PKIG: variants seen among roughly 807,000 people sequenced by gnomAD.
PKIG encodes cAMP-dependent protein kinase inhibitor gamma.
PKIG carries 1 observed loss-of-function variant against 6.8 expected under a neutral mutation model. The observed-to-expected ratio is 0.15, with a 90% CI of 0.05 to 0.69. PKIG has a LOEUF of 0.69. Ranked by LOEUF, PKIG falls within the 30% of genes least tolerant of loss-of-function variation. The pLI is 0.82. For missense variants in PKIG, 77 were observed against 104.0 expected (o/e 0.74, Z 1.13); for synonymous variants, 39 against 43.0 (o/e 0.91, Z 0.36).
At chr20:44,593,736 A>G (rs937796071) in intron 2 of PKIG, among the ~76,000 whole-genome samples, 1 of 152,222 alleles carries the variant, frequency 6.6e-6, no homozygotes, top group African/African-American at 2.4e-5. Flanking sequence ...GAAATTTGCT[A>G]AGAGAGTAGA....
At chr20:44,559,131 T>C (rs1426395212) in intron 1 of PKIG, among the ~76,000 whole-genome samples, 1 of 152,148 alleles carries the variant, frequency 6.6e-6, no homozygotes, top group Non-Finnish European at 1.5e-5. Context: ...ATAATTAAAG[T>C]TTTTAAAAGG....
chr20:44,537,251 C>T (rs561374979), intron 1 of PKIG, among the ~76,000 whole-genome samples: 7 of 152,202 alleles, frequency 4.6e-5, no homozygotes, highest in Middle Eastern at 3.4e-3. Context: ...ATTACAGGCA[C>T]GCGCCACCAC....
At chr20:44,608,950 A>G (rs1232311995) in intron 2 of PKIG, among the ~76,000 whole-genome samples, 1 of 152,360 alleles carries the variant, frequency 6.6e-6, no homozygotes, top group South Asian at 2.1e-4. Context: ...CACACTGTCA[A>G]GTCACTGCCC....
At chr20:44,592,741 A>T (rs1009171067) in intron 2 of PKIG, among the ~76,000 whole-genome samples, 1 of 152,204 alleles carries the variant, frequency 6.6e-6, no homozygotes, top group African/African-American at 2.4e-5. Context: ...GCCAGTGGAG[A>T]GAGTAAAAAG....
intron 1 of PKIG, among the ~76,000 whole-genome samples, chr20:44,550,282 T>C (rs888876358): frequency 7.2e-5 from 11 of 151,766 alleles, no homozygotes; most frequent in South Asian, 2.1e-4. Flanking sequence ...TATTTCTCAA[T>C]ATAAACTCCA....
At chr20:44,618,017 C>G (rs1240891603) in intron 3 of PKIG, among the ~76,000 whole-genome samples, 2 of 152,182 alleles carry the variant, frequency 1.3e-5, no homozygotes, top group Admixed American at 6.5e-5. Context: ...CTTCAAGAGC[C>G]CTTCACTTGA....
chr20:44,546,136 A>G (rs1483153173), intron 1 of PKIG, among the ~76,000 whole-genome samples: 2 of 151,936 alleles, frequency 1.3e-5, no homozygotes, highest in African/African-American at 4.8e-5. Flanking sequence ...TGTACTCCCA[A>G]CTACTCGGAG....
In PKIG at chr20:44,618,305, G is replaced by T. The variant is rs765713497; in HGVS notation, c.172G>T (p.Ala58Ser). Residue 58 changes from alanine (A) to serine (S), a missense_variant, in exon 4 of 4, where the codon GCC becomes TCC. Coordinates refer to ENST00000372886, the MANE Select transcript of PKIG (RefSeq NM_001281445.2). ...TCCAGAAGGACAGGTGGAGGGAAGCGCCCCAGACAAGGAAGCTGGCAACCA... is the reference window on the plus strand; with the variant it reads ...TCCAGAAGGACAGGTGGAGGGAAGCTCCCCAGACAAGGAAGCTGGCAACCA... Reference protein sequence around the residue: ...EGAEGQVEGSAPDKEAGNQPQ... With the variant: ...EGAEGQVEGSSPDKEAGNQPQ... The T allele has an allele frequency of 6.2e-7, 1 of 1,612,534 alleles. No individual in the cohort carries two copies. The highest frequency in any genetic ancestry group is 1.1e-5 in the South Asian group (1 of 91,052).
rs1555835144 is a variant in PKIG, at chr20:44,558,574, T to TCTTTCTTTCTTTC, written c.-240-24011_-240-24010insCTTTCTTTCTTTC. Among the ~76,000 whole-genome samples the TCTTTCTTTCTTTC allele has an allele frequency of 1.5e-5, 2 of 131,900 alleles. 1 individual carries two copies. Among genetic ancestry groups the TCTTTCTTTCTTTC allele is most frequent in the African/African-American group, 6.2e-5 (2 of 32,318 alleles). 86.5% of individuals were successfully genotyped at this position (131,900 alleles called of 152,430 possible). ...ATTTCTTTTTCTTTCTTTTTTTCTT[T>TCTTTCTTTCTTTC]TTTCTTTCTTTCTTTCTTTCTTTCT... On this transcript the variant is annotated intron_variant, in intron 1 of 4. Coordinates refer to the PKIG transcript ENST00000372887.
chr20:44,537,914 TAGG>T (rs888644764), intron 1 of PKIG, among the ~76,000 whole-genome samples: 4 of 152,058 alleles, frequency 2.6e-5, no homozygotes, highest in East Asian at 1.9e-4. Flanking sequence ...CTGACTTTAG[TAGG>T]AGAAGTATGA....
intron 1 of PKIG, among the ~76,000 whole-genome samples, chr20:44,539,517 C>G (rs1462065818): frequency 1.3e-5 from 2 of 151,474 alleles, no homozygotes; most frequent in Non-Finnish European, 2.9e-5. Context: ...CTCCCATGTT[C>G]AAGCGATTCT....
At chr20:44,589,666 A>G (rs555826142) in intron 1 of PKIG, 131 bp from the exon 2 acceptor site, 1 of 152,334 alleles carries the variant, frequency 6.6e-6, no homozygotes, top group South Asian at 2.1e-4. Context: ...TAGGAATTTG[A>G]CCCCAAAGGA....
chr20:44,561,765 A>C (rs2064769401), intron 1 of PKIG, among the ~76,000 whole-genome samples: 1 of 152,168 alleles, frequency 6.6e-6, no homozygotes, highest in Admixed American at 6.5e-5. Flanking sequence ...GCCCAGCTTT[A>C]ATATACATTT....
Position 44,609,853 on chromosome 20 carries a change from C to T in PKIG, c.-23-4681C>T, listed in dbSNP as rs118050860. Among the ~76,000 whole-genome samples, 1,389 of 152,344 alleles carry T rather than the reference C, an allele frequency of 9.1e-3. 10 individuals are homozygous for T. The highest frequency in any genetic ancestry group is 0.034 in the Middle Eastern group (10 of 294). On this transcript the variant is annotated intron_variant, in intron 2 of 3. Coordinates refer to ENST00000372886, the MANE Select transcript of PKIG (RefSeq NM_001281445.2). Reference sequence around the variant, plus strand: ...GCCGTGGCTGTAAACCGGCCTCACTCACCTCAGAGGGCAGCTGTGGCCACT... The same window carrying T: ...GCCGTGGCTGTAAACCGGCCTCACTTACCTCAGAGGGCAGCTGTGGCCACT...
intron 2 of PKIG, among the ~76,000 whole-genome samples, chr20:44,590,413 A>G (rs2123383493): frequency 6.6e-6 from 1 of 152,350 alleles, no homozygotes; most frequent in South Asian, 2.1e-4. Flanking sequence ...TTGCCATTCA[A>G]AGAGCACAAG....
intron 3 of PKIG, among the ~76,000 whole-genome samples, chr20:44,615,394 G>A (rs1010201465): frequency 1.5e-4 from 23 of 152,240 alleles, no homozygotes; most frequent in African/African-American, 5.3e-4. Flanking sequence ...GTCTAAATGT[G>A]AGCGCCGGGA....
intron 2 of PKIG, among the ~76,000 whole-genome samples, chr20:44,607,279 G>T (rs1189416591): frequency 2.6e-5 from 4 of 151,498 alleles, no homozygotes; most frequent in African/African-American, 9.7e-5. Context: ...AATCAGTGCT[G>T]CAGTGGCTTC....
chr20:44,614,428 A>C lies in PKIG; in HGVS notation c.-23-106A>C, dbSNP rs556272869. The stretch of plus-strand genomic sequence containing the variant: ...TTTTGCTTTGTTTTCAATAAGAGGC[A>C]ATAACTGTCATTTTGACAGAAGCCA... On this transcript the variant is annotated intron_variant, in intron 2 of 3. Transcript: ENST00000372886. This position sits in a 1 kb window ranked among gnomAD's most constrained non-coding sequence, Gnocchi z 4.6. 1 of 772,220 alleles carries C rather than the reference A, an allele frequency of 1.3e-6. No homozygotes were observed. Among genetic ancestry groups the C allele is most frequent in the African/African-American group, 1.7e-5 (1 of 57,608 alleles). The allele number at this position is 772,220 out of a possible 1,614,324, so 47.8% of individuals were successfully genotyped here. A position where few individuals can be genotyped will look rare whatever the true frequency, so the allele number is the denominator to read the frequency against.
At chr20:44,537,227 C>A (rs901984315) in intron 1 of PKIG, among the ~76,000 whole-genome samples, 2 of 152,232 alleles carry the variant, frequency 1.3e-5, no homozygotes, top group African/African-American at 4.8e-5. Flanking sequence ...GCCTCAGCCT[C>A]CTGAGTAGCT....
Sources: allele counts gnomAD v4.1 joint callset (sites outside exome capture counted in the v4.1 genomes callset), GRCh38; gene constraint gnomAD v4.1.1; non-coding constraint Gnocchi (gnomAD v3.1); transcripts MANE v1.5; gene names NCBI Gene and HGNC (gene_info 2026-07-23, HGNC 2026-07-21).